ANO4: variants seen among roughly 807,000 people sequenced by gnomAD.
The protein encoded by ANO4 is anoctamin 4, also known as anoctamin-4.
Under a neutral mutation model 141.9 loss-of-function variants are expected in ANO4, and 69 were observed. That is an observed-to-expected ratio of 0.49 (90% CI 0.40 to 0.59). The LOEUF (loss-of-function observed/expected upper bound fraction) is 0.59, where lower values mean the gene tolerates loss of function less well. Among genes scored for constraint, ANO4 ranks in the 20% least tolerant of loss-of-function variants. The pLI is 0.00. For synonymous variants in ANO4, 350 were observed against 394.3 expected, an observed-to-expected ratio of 0.89 and a Z score of 1.33; for missense variants, 894 against 1,162.2, an observed-to-expected ratio of 0.77 and a Z score of 3.36.
At chr12:101,124,984 A>G (rs112013856) in intron 26 of ANO4, among the ~76,000 whole-genome samples, 7,812 of 152,244 alleles carry the variant, frequency 0.051, 641 homozygotes, top group African/African-American at 0.17. Context: ...GAATTTTAAA[A>G]GAGTTTCTTC....
chr12:100,899,557 T>G (rs1593685664), intron 1 of ANO4, among the ~76,000 whole-genome samples: 1 of 152,330 alleles, frequency 6.6e-6, no homozygotes, highest in South Asian at 2.1e-4. Flanking sequence ...TGTTACAGTT[T>G]GTTTTAATGA....
intron 21 of ANO4, among the ~76,000 whole-genome samples, chr12:101,099,072 C>T (rs891967881): frequency 5.3e-5 from 8 of 152,138 alleles, no homozygotes; most frequent in African/African-American, 1.9e-4. Context: ...CTGTGGAGAG[C>T]TCATGCCAAA....
intron 14 of ANO4, among the ~76,000 whole-genome samples, chr12:101,076,265 A>G (rs557622863): frequency 1.3e-5 from 2 of 152,132 alleles, no homozygotes; most frequent in South Asian, 4.2e-4. Context: ...TATAAAAGAG[A>G]CCCCAGAGAG....
chr12:100,900,992 A>G (rs543179635), intron 1 of ANO4, among the ~76,000 whole-genome samples: 1 of 152,328 alleles, frequency 6.6e-6, no homozygotes, highest in African/African-American at 2.4e-5. Context: ...GTCCATATTA[A>G]TGATGTAATC....
rs375109893 is a variant in ANO4, at chr12:101,058,068, AT to A, written c.1312+9671del. Among the ~76,000 whole-genome samples, 52 of 152,120 alleles carry A rather than the reference AT, an allele frequency of 3.4e-4. 1 individual carries two copies. In the South Asian group the frequency reaches 7.9e-3, roughly 23 times the overall value. On this transcript the variant is annotated intron_variant, in intron 14 of 27. Coordinates refer to ENST00000392977, the MANE Select transcript of ANO4 (RefSeq NM_001286615.2). ...AGTGTAAGGAAGGGGTCCAATTTCA[AT>A]TTTCTGCATATGGCTAGCCAGTTTT... is the stretch of plus-strand genomic sequence containing the variant.
intron 2 of ANO4, among the ~76,000 whole-genome samples, chr12:100,920,818 T>C (rs1191895982): frequency 1.3e-5 from 2 of 152,162 alleles, no homozygotes; most frequent in Non-Finnish European, 2.9e-5. Context: ...TAAATGCCAG[T>C]GTTGCTTTAA....
At chr12:101,071,360 A>G (rs1253535997) in intron 14 of ANO4, among the ~76,000 whole-genome samples, 1 of 151,876 alleles carries the variant, frequency 6.6e-6, no homozygotes, top group African/African-American at 2.4e-5. Context: ...AAAGAGAATG[A>G]CATCCTGTCA....
chr12:100,734,344 A>G (rs985109273), intron 2 of ANO4, among the ~76,000 whole-genome samples: 5 of 152,204 alleles, frequency 3.3e-5, no homozygotes, highest in African/African-American at 1.2e-4. Context: ...CTCAACCTTA[A>G]ACACTGGTTA....
At chr12:100,959,467 T>C (rs1016652983) in intron 5 of ANO4, among the ~76,000 whole-genome samples, 1 of 152,226 alleles carries the variant, frequency 6.6e-6, no homozygotes, top group African/African-American at 2.4e-5. Flanking sequence ...AGAAAACTTC[T>C]TGAAAGATTT....
intron 1 of ANO4, among the ~76,000 whole-genome samples, chr12:100,814,244 CAT>C (rs921519533): frequency 1.3e-5 from 2 of 152,130 alleles, no homozygotes; most frequent in Non-Finnish European, 2.9e-5. Context: ...ATTTACATAT[CAT>C]ATAATTCACC....
intron 4 of ANO4, among the ~76,000 whole-genome samples, chr12:100,939,685 A>G (rs1008816642): frequency 5.3e-5 from 8 of 152,142 alleles, no homozygotes; most frequent in African/African-American, 1.9e-4. Context: ...TCATTTTTTT[A>G]AACTGTCCGT....
At chr12:101,110,604 TG>T in intron 23 of ANO4, 48 bp downstream of exon 23, 1 of 1,427,468 alleles carries the variant, frequency 7.0e-7, no homozygotes, top group Non-Finnish European at 9.3e-7. Context: ...AAACATCTGG[TG>T]GATAAAATTT....
At chr12:100,770,254 G>T (rs2033240184) in intron 3 of ANO4, among the ~76,000 whole-genome samples, 1 of 152,116 alleles carries the variant, frequency 6.6e-6, no homozygotes, top group African/African-American at 2.4e-5. Context: ...TGTGGACTCG[G>T]GTTCTTACCC....
At chr12:101,112,201 A>T (rs562493734) in intron 24 of ANO4, among the ~76,000 whole-genome samples, 2 of 152,288 alleles carry the variant, frequency 1.3e-5, no homozygotes, top group African/African-American at 4.8e-5. Context: ...TAGGTCCTCA[A>T]TAAGTATTCG....
chr12:100,974,254 C>T (rs527481429), intron 6 of ANO4, among the ~76,000 whole-genome samples: 16 of 152,094 alleles, frequency 1.1e-4, no homozygotes, highest in Admixed American at 2.0e-4. Context: ...CATCTAAAGC[C>T]AGGGCCAGTG....
intron 5 of ANO4, among the ~76,000 whole-genome samples, chr12:100,956,545 C>G (rs543998313): frequency 6.6e-6 from 1 of 152,322 alleles, no homozygotes; most frequent in African/African-American, 2.4e-5. Flanking sequence ...TGGGGACTCT[C>G]TTCCTCCTCA....
chr12:100,912,594 A>C (rs533572640), intron 2 of ANO4, among the ~76,000 whole-genome samples: 4 of 151,914 alleles, frequency 2.6e-5, no homozygotes, highest in African/African-American at 9.6e-5. Context: ...TCAACTTTTT[A>C]TCTTGAAGAT....
chr12:100,816,276 T>C (rs1182928846), intron 1 of ANO4, among the ~76,000 whole-genome samples: 1 of 152,048 alleles, frequency 6.6e-6, no homozygotes, highest in African/African-American at 2.4e-5. Context: ...CAAATTATGA[T>C]CACTGTTATG....
chr12:100,836,363 G>A (rs974678748), intron 1 of ANO4, among the ~76,000 whole-genome samples: 2 of 151,894 alleles, frequency 1.3e-5, no homozygotes, highest in African/African-American at 4.8e-5. Flanking sequence ...TTATTATACT[G>A]TAAGTTCTAG....
Sources: gnomAD v4.1 joint callset for allele counts (sites outside exome capture counted in the v4.1 genomes callset) on GRCh38, gnomAD v4.1.1 for gene constraint, MANE v1.5 for transcripts, NCBI Gene and HGNC (gene_info 2026-07-23, HGNC 2026-07-21) for gene names.